Variants in SLC25A13 observed in about 807,000 individuals in gnomAD.
SLC25A13 encodes the protein electrogenic aspartate/glutamate antiporter SLC25A13, mitochondrial.
In SLC25A13, 70 loss-of-function variants were observed where a neutral mutation model predicts 85.5. That is an observed-to-expected ratio of 0.82 (90% confidence interval 0.68 to 1.00). The LOEUF (loss-of-function observed/expected upper bound fraction) is 1.00, where lower values mean the gene tolerates loss of function less well. Among genes scored for constraint, SLC25A13 ranks in the 50% least tolerant of loss-of-function variants. SLC25A13 has a pLI of 0.00. For missense variants in SLC25A13, 765 were observed against 819.8 expected (o/e 0.93, Z 0.82); for synonymous variants, 259 against 288.7 (o/e 0.90, Z 1.04).
chr7:96,264,489 T>C (rs1423822244), intron 3 of SLC25A13, among the ~76,000 whole-genome samples: 1 of 152,200 alleles, frequency 6.6e-6, no homozygotes, highest in African/African-American at 2.4e-5. Context: ...CTAGTCTCTA[T>C]CTTCTCTTCT....
At chr7:96,284,896 T>C (rs933180659) in intron 2 of SLC25A13, among the ~76,000 whole-genome samples, 3 of 152,232 alleles carry the variant, frequency 2.0e-5, no homozygotes, top group Non-Finnish European at 4.4e-5. Context: ...ATTAGCAGCA[T>C]GAGAACAGAA....
chr7:96,227,940 C>T (rs946883923), intron 4 of SLC25A13, among the ~76,000 whole-genome samples: 1 of 152,156 alleles, frequency 6.6e-6, no homozygotes. Context: ...TGTCGGCTCA[C>T]TGTAACCTTT....
At chr7:96,177,732 C>A (rs370960263) in intron 11 of SLC25A13, among the ~76,000 whole-genome samples, 51 of 152,192 alleles carry the variant, frequency 3.4e-4, no homozygotes, top group African/African-American at 1.2e-3. Flanking sequence ...ATCACTTATT[C>A]TTCCTCCTCC....
intron 14 of SLC25A13, among the ~76,000 whole-genome samples, chr7:96,145,275 A>G (rs937267376): frequency 3.3e-5 from 5 of 152,154 alleles, no homozygotes; most frequent in Non-Finnish European, 7.4e-5. Flanking sequence ...AAAGTCTCAG[A>G]TCATGGAGTA....
chr7:96,194,441 T>TAAAAAAAAAA (rs1794979339), intron 5 of SLC25A13, among the ~76,000 whole-genome samples: 1 of 1,722 alleles, frequency 5.8e-4, no homozygotes, highest in East Asian at 0.023. Flanking sequence ...AAACCTTGTC[T>TAAAAAAAAAA]CAAAAAAAAA....
chr7:96,164,746 A>ACACACACACACACAC (rs1554344473), intron 13 of SLC25A13, among the ~76,000 whole-genome samples: 24 of 151,818 alleles, frequency 1.6e-4, no homozygotes, highest in East Asian at 1.9e-4. Flanking sequence ...ACACACACAC[A>ACACACACACACACAC]AAAGAAGCAG....
chr7:96,301,943 T>C (rs1042550215), intron 1 of SLC25A13, among the ~76,000 whole-genome samples: 7 of 152,184 alleles, frequency 4.6e-5, no homozygotes, highest in African/African-American at 1.2e-4. Flanking sequence ...AGTGGCAATG[T>C]TGGAACAGAA....
chr7:96,284,902 C>T (rs1375993113), intron 2 of SLC25A13, among the ~76,000 whole-genome samples: 1 of 152,210 alleles, frequency 6.6e-6, no homozygotes, highest in Non-Finnish European at 1.5e-5. Context: ...AGCATGAGAA[C>T]AGAACAGACT....
intron 13 of SLC25A13, among the ~76,000 whole-genome samples, chr7:96,156,442 G>A (rs1028807205): frequency 2.0e-5 from 3 of 150,772 alleles, no homozygotes; most frequent in African/African-American, 7.3e-5. Flanking sequence ...GACTACAGGC[G>A]CTCGCCACCA....
At chr7:96,129,152 A>C (rs1310228792) in intron 15 of SLC25A13, among the ~76,000 whole-genome samples, 6 of 152,164 alleles carry the variant, frequency 3.9e-5, no homozygotes, top group Non-Finnish European at 8.8e-5. Context: ...TGTGACTGCA[A>C]CTTCATGATA....
intron 1 of SLC25A13, among the ~76,000 whole-genome samples, chr7:96,303,010 T>C (rs1799608080): frequency 6.6e-6 from 1 of 152,206 alleles, no homozygotes; most frequent in South Asian, 2.1e-4. Context: ...TGAGGTGCTT[T>C]TAGGTTTTAC....
intron 3 of SLC25A13, among the ~76,000 whole-genome samples, chr7:96,263,648 T>G (rs960091107): frequency 6.6e-6 from 1 of 152,158 alleles, no homozygotes; most frequent in African/African-American, 2.4e-5. Flanking sequence ...CACCCCGTAT[T>G]TTAGCTCTTG....
intron 1 of SLC25A13, among the ~76,000 whole-genome samples, chr7:96,313,867 T>C (rs1216178748): frequency 6.6e-6 from 1 of 152,192 alleles, no homozygotes; most frequent in Non-Finnish European, 1.5e-5. Flanking sequence ...GCTAAAGTAA[T>C]GCTTCTCAAA....
chr7:96,146,658 T>C lies in SLC25A13; in HGVS notation c.1350A>G (p.Glu450=), dbSNP rs1464750490. The C allele has an allele frequency of 6.2e-7, 1 of 1,614,088 alleles. No homozygotes were observed. Among genetic ancestry groups the C allele is most frequent in the South Asian group, 1.1e-5 (1 of 91,080 alleles). Residue 450 remains glutamate, a synonymous_variant, in exon 14 of 18, where the codon GAA becomes GAG. Transcript: ENST00000265631. ...GSQVIFTNPL[E]IVKIRLQVAG... ...CCACTTGCAAACGGATCTTGACGATTTCTAAAGGATTTGTGAAAATCACCT... is the reference window on the plus strand; with the variant it reads ...CCACTTGCAAACGGATCTTGACGATCTCTAAAGGATTTGTGAAAATCACCT...
intron 4 of SLC25A13, among the ~76,000 whole-genome samples, chr7:96,232,743 C>A (rs900329652): frequency 3.3e-5 from 5 of 151,010 alleles, no homozygotes; most frequent in Admixed American, 2.6e-4. Context: ...TCAGACAGTG[C>A]CTTTTATGCA....
At chr7:96,271,272 C>T (rs1166587757) in intron 3 of SLC25A13, among the ~76,000 whole-genome samples, 3 of 152,106 alleles carry the variant, frequency 2.0e-5, no homozygotes, top group Non-Finnish European at 4.4e-5. Flanking sequence ...ATATAAAACC[C>T]TCATTTGATT....
intron 5 of SLC25A13, among the ~76,000 whole-genome samples, chr7:96,198,081 T>C (rs1179988369): frequency 6.6e-6 from 1 of 152,126 alleles, no homozygotes; most frequent in Non-Finnish European, 1.5e-5. Flanking sequence ...TTATCTTTAA[T>C]AGAGGGAGTT....
At chr7:96,264,126 A>G (rs1366242000) in intron 3 of SLC25A13, among the ~76,000 whole-genome samples, 1 of 152,096 alleles carries the variant, frequency 6.6e-6, no homozygotes, top group Non-Finnish European at 1.5e-5. Flanking sequence ...CCTACTCTGG[A>G]TTATTCAGTG....
intron 1 of SLC25A13, among the ~76,000 whole-genome samples, chr7:96,317,384 G>A (rs543166642): frequency 2.0e-4 from 30 of 151,922 alleles, no homozygotes; most frequent in Admixed American, 6.6e-4. Flanking sequence ...AATCAACAAC[G>A]AAACACAGTT....
Sources: allele counts gnomAD v4.1 joint callset (sites outside exome capture counted in the v4.1 genomes callset), GRCh38; gene constraint gnomAD v4.1.1; transcripts MANE v1.5; gene names NCBI Gene and HGNC (gene_info 2026-07-23, HGNC 2026-07-21).